DDX10: variants seen among roughly 807,000 people sequenced by gnomAD.
The protein encoded by DDX10 is probable ATP-dependent RNA helicase DDX10.
Under a neutral mutation model 104.3 loss-of-function variants are expected in DDX10, and 74 were observed. That is an observed-to-expected ratio of 0.71 (90% CI 0.59 to 0.86). The LOEUF is 0.86. Among genes scored for constraint, DDX10 ranks in the 40% least tolerant of loss-of-function variants. The pLI, the probability that DDX10 is intolerant of heterozygous loss-of-function variation, is 0.00. For missense variants in DDX10, 952 were observed against 1,040.0 expected (o/e 0.92, Z 1.16); for synonymous variants, 351 against 353.4 (o/e 0.99, Z 0.08).
At chr11:108,890,247 C>T (rs1287481728) in intron 16 of DDX10, among the ~76,000 whole-genome samples, 2 of 152,140 alleles carry the variant, frequency 1.3e-5, no homozygotes, top group African/African-American at 4.8e-5. Flanking sequence ...ATGGAACCCA[C>T]ATTCTGTGCC....
intron 6 of DDX10, among the ~76,000 whole-genome samples, chr11:108,686,003 G>A (rs1309072584): frequency 6.6e-6 from 1 of 151,878 alleles, no homozygotes; most frequent in African/African-American, 2.4e-5. Flanking sequence ...TATATATTTG[G>A]GCTTATTGTT....
chr11:108,665,249 C>G lies in DDX10; in HGVS notation c.96C>G (p.Asn32Lys). ...AGAAAAAACACAGCCATAGGCAGAA[C>G]AAAAAGAAGCAGTTGAGGAAGCAAC... ...RWKKKHSHRQ[N>K]KKKQLRKQLK... is the part of the protein sequence containing the mutation. Residue 32 changes from asparagine (N) to lysine (K), a missense_variant, in exon 1 of 18, where the codon AAC becomes AAG. Coordinates refer to ENST00000322536, the MANE Select transcript of DDX10 (RefSeq NM_004398.4). 1 of 1,612,318 alleles carries G rather than the reference C, an allele frequency of 6.2e-7. No individual in the cohort carries two copies. The highest frequency in any genetic ancestry group is 8.5e-7 in the Non-Finnish European group (1 of 1,179,344).
At chr11:108,926,365 A>G (rs543032754) in intron 17 of DDX10, among the ~76,000 whole-genome samples, 126 of 152,314 alleles carry the variant, frequency 8.3e-4, no homozygotes, top group African/African-American at 3.0e-3. Context: ...GCCAGCCCCA[A>G]ATGGCGTTGT....
intron 9 of DDX10, among the ~76,000 whole-genome samples, chr11:108,700,829 C>T (rs758577106): frequency 7.3e-5 from 11 of 151,126 alleles, no homozygotes; most frequent in Admixed American, 2.0e-4. Flanking sequence ...CTTTGATTTG[C>T]GGTTTCTTTT....
intron 13 of DDX10, chr11:108,727,865 T>C: frequency 4.9e-6 from 1 of 203,038 alleles, no homozygotes; most frequent in East Asian, 1.6e-4. Flanking sequence ...AAAATACATG[T>C]GAAGAGATCA....
chr11:108,929,389 C>G (rs1334587149), intron 17 of DDX10: 1 of 152,180 alleles, frequency 6.6e-6, no homozygotes, highest in Non-Finnish European at 1.5e-5. Flanking sequence ...AGGAATGATT[C>G]ATCCTAGTGT....
chr11:108,682,293 C>A (rs1366507798), intron 6 of DDX10, among the ~76,000 whole-genome samples: 1 of 152,014 alleles, frequency 6.6e-6, no homozygotes, highest in South Asian at 2.1e-4. Flanking sequence ...TGAGTAAAGA[C>A]GGGGTTTCAC....
chr11:108,857,421 C>G (rs1057424005), intron 16 of DDX10, among the ~76,000 whole-genome samples: 1 of 152,148 alleles, frequency 6.6e-6, no homozygotes, highest in Non-Finnish European at 1.5e-5. Flanking sequence ...TTCTGACTCT[C>G]TCACATATTA....
At chr11:108,696,041 T>G (rs1379690145) in intron 9 of DDX10, among the ~76,000 whole-genome samples, 1 of 152,198 alleles carries the variant, frequency 6.6e-6, no homozygotes. Flanking sequence ...GACAAACTTG[T>G]TTTTAGAACT....
At chr11:108,877,482 A>G (rs1217262682) in intron 16 of DDX10, among the ~76,000 whole-genome samples, 1 of 152,212 alleles carries the variant, frequency 6.6e-6, no homozygotes, top group Admixed American at 6.5e-5. Flanking sequence ...TTAGAAGCCT[A>G]TTGTTACAGC....
chr11:108,750,683 T>A (rs2094337339), intron 13 of DDX10, among the ~76,000 whole-genome samples: 1 of 152,012 alleles, frequency 6.6e-6, no homozygotes, highest in African/African-American at 2.4e-5. Flanking sequence ...GGTTTTGTTA[T>A]GGTACGAATT....
chr11:108,707,350 A>G (rs772659153), intron 10 of DDX10, among the ~76,000 whole-genome samples: 2 of 152,208 alleles, frequency 1.3e-5, no homozygotes, highest in Non-Finnish European at 2.9e-5. Context: ...GTCATATATT[A>G]TAGTTGGAAT....
intron 6 of DDX10, among the ~76,000 whole-genome samples, chr11:108,687,691 GA>G (rs2094246351): frequency 6.6e-6 from 1 of 152,096 alleles, no homozygotes; most frequent in South Asian, 2.1e-4. Flanking sequence ...TCCTTTATCA[GA>G]TGTTTTTTGC....
At chr11:108,687,684 T>C (rs898408376) in intron 6 of DDX10, among the ~76,000 whole-genome samples, 2 of 152,252 alleles carry the variant, frequency 1.3e-5, no homozygotes, top group Non-Finnish European at 2.9e-5. Flanking sequence ...AGAACAGTCC[T>C]TTATCAGATG....
Position 108,673,543 on chromosome 11 carries a change from T to C in DDX10, c.247+16T>C. 6.4e-7 allele frequency: 1 copy of C among 1,553,810 alleles called. No individual in the cohort carries two copies. The highest frequency in any genetic ancestry group is 8.8e-7 in the Non-Finnish European group (1 of 1,129,996). ...ACATTGAAAGGTAAGTATATGGTGA[T>C]CTTGGGATGTGTTATTGGATTTCTT... On this transcript the variant is annotated intron_variant, in intron 2 of 17. Transcript: ENST00000322536.
intron 13 of DDX10, among the ~76,000 whole-genome samples, chr11:108,832,135 A>G (rs1214486304): frequency 2.0e-5 from 3 of 152,112 alleles, no homozygotes; most frequent in African/African-American, 4.8e-5. Flanking sequence ...CTAATAATAG[A>G]TATATTTTAT....
In DDX10 at chr11:108,854,728, AT is replaced by A. The variant is rs5794608; in HGVS notation, c.2304+2529del. Among the ~76,000 whole-genome samples the A allele has an allele frequency of 1.6e-4, 24 of 150,048 alleles. No individual in the cohort carries two copies. In the South Asian group the frequency reaches 4.8e-3, roughly 30 times the overall value. On this transcript the variant is annotated intron_variant, in intron 16 of 17. Transcript: ENST00000322536. Reference sequence around the variant, plus strand: ...CAAGGAAGGATATAAAGGACACAGTATTTTTTTTTTAATTTTGGGGAAAGTG... The same window carrying A: ...CAAGGAAGGATATAAAGGACACAGTATTTTTTTTTAATTTTGGGGAAAGTG...
intron 13 of DDX10, among the ~76,000 whole-genome samples, chr11:108,742,517 A>T (rs1418309235): frequency 3.9e-5 from 6 of 152,136 alleles, no homozygotes; most frequent in Non-Finnish European, 7.4e-5. Flanking sequence ...GTGAGCTAAG[A>T]TCGCGCCATT....
intron 16 of DDX10, among the ~76,000 whole-genome samples, chr11:108,899,438 G>A (rs1863485742): frequency 6.6e-6 from 1 of 151,292 alleles, no homozygotes; most frequent in South Asian, 2.1e-4. Context: ...GAGATATATG[G>A]TGTTGCCACC....
Sources: gnomAD v4.1 joint callset for allele counts (sites outside exome capture counted in the v4.1 genomes callset) on GRCh38, gnomAD v4.1.1 for gene constraint, MANE v1.5 for transcripts, NCBI Gene and HGNC (gene_info 2026-07-23, HGNC 2026-07-21) for gene names.